GABRG3: variants seen among roughly 807,000 people sequenced by gnomAD.
GABRG3 encodes gamma-aminobutyric acid type A receptor subunit gamma3.
A neutral mutation model predicts 48.8 loss-of-function variants in GABRG3; 25 were observed. The ratio of observed to expected loss-of-function variants is 0.51; its 90% CI spans 0.37 to 0.72. GABRG3 has a LOEUF of 0.72. GABRG3 is among the 30% of genes least tolerant of loss of function. GABRG3 has a pLI of 0.00. For missense variants in GABRG3, 394 were observed against 577.9 expected, an observed-to-expected ratio of 0.68 and a Z score of 3.26; for synonymous variants, 227 against 217.6, an observed-to-expected ratio of 1.04 and a Z score of -0.38.
chr15:27,282,229 G>T (rs1296698486), intron 3 of GABRG3, among the ~76,000 whole-genome samples: 5 of 152,164 alleles, frequency 3.3e-5, no homozygotes, highest in African/African-American at 4.8e-5. Context: ...TTTGGGGTTT[G>T]CTCAGCTTCT....
intron 2 of GABRG3, among the ~76,000 whole-genome samples, chr15:26,996,599 A>T (rs1895344177): frequency 6.6e-6 from 1 of 151,426 alleles, no homozygotes; most frequent in South Asian, 2.1e-4. Flanking sequence ...TTCCTCTGGT[A>T]GTCCAATTAT....
chr15:27,025,917 A>T (rs140017403), intron 2 of GABRG3, among the ~76,000 whole-genome samples: 59 of 152,298 alleles, frequency 3.9e-4, no homozygotes, highest in African/African-American at 1.4e-3. Context: ...GGTGAAGGGA[A>T]TGTCCTCCTT....
chr15:27,340,196 C>T (rs983273762), intron 5 of GABRG3, among the ~76,000 whole-genome samples: 11 of 152,130 alleles, frequency 7.2e-5, no homozygotes, highest in South Asian at 2.1e-4. Flanking sequence ...GCTCAGAAAG[C>T]GTACAACCAT....
intron 3 of GABRG3, among the ~76,000 whole-genome samples, chr15:27,108,479 T>C (rs1897488830): frequency 6.6e-6 from 1 of 152,228 alleles, no homozygotes; most frequent in Admixed American, 6.5e-5. Flanking sequence ...TCTATTAAGA[T>C]ATACATTATG....
chr15:27,254,481 A>G (rs1415525722), intron 3 of GABRG3, among the ~76,000 whole-genome samples: 1 of 152,020 alleles, frequency 6.6e-6, no homozygotes, highest in Non-Finnish European at 1.5e-5. Flanking sequence ...GTAACAACAT[A>G]CTACAAATGG....
intron 3 of GABRG3, among the ~76,000 whole-genome samples, chr15:27,072,913 C>T (rs1347223869): frequency 1.3e-5 from 2 of 152,220 alleles, no homozygotes; most frequent in Admixed American, 1.3e-4. Flanking sequence ...ATCCCTGCCA[C>T]AGCCCACTGC....
At chr15:27,238,397 C>T (rs559276693) in intron 3 of GABRG3, among the ~76,000 whole-genome samples, 91 of 152,338 alleles carry the variant, frequency 6.0e-4, no homozygotes, top group African/African-American at 2.1e-3. Flanking sequence ...GAGGGAGCCG[C>T]GCGGGGGCGC....
chr15:27,394,562 G>A (rs558232212), intron 5 of GABRG3, among the ~76,000 whole-genome samples: 6 of 152,042 alleles, frequency 3.9e-5, no homozygotes, highest in Admixed American at 2.6e-4. Context: ...TTGTTGTATG[G>A]CTTCTGATTA....
chr15:27,396,756 A>G (rs1055773855), intron 5 of GABRG3, among the ~76,000 whole-genome samples: 1 of 152,214 alleles, frequency 6.6e-6, no homozygotes, highest in African/African-American at 2.4e-5. Flanking sequence ...TGATTAATTG[A>G]TAAACAAACT....
At chr15:27,347,108 C>T (rs1397783267) in intron 5 of GABRG3, among the ~76,000 whole-genome samples, 2 of 152,010 alleles carry the variant, frequency 1.3e-5, no homozygotes, top group Non-Finnish European at 2.9e-5. Flanking sequence ...TGGTTAATGT[C>T]TACTGTAGCT....
intron 5 of GABRG3, among the ~76,000 whole-genome samples, chr15:27,333,584 C>T (rs1220254641): frequency 6.6e-6 from 1 of 152,168 alleles, no homozygotes; most frequent in Non-Finnish European, 1.5e-5. Flanking sequence ...ATCTAAGATC[C>T]TTCACTTACT....
chr15:27,306,213 G>A (rs1192928814), intron 3 of GABRG3, among the ~76,000 whole-genome samples: 2 of 122,842 alleles, frequency 1.6e-5, no homozygotes, highest in African/African-American at 3.0e-5. Flanking sequence ...ATAAACATAT[G>A]TAATATAAAC....
At chr15:27,062,090 A>C (rs150851187) in intron 3 of GABRG3, among the ~76,000 whole-genome samples, 1 of 152,124 alleles carries the variant, frequency 6.6e-6, no homozygotes, top group South Asian at 2.1e-4. Flanking sequence ...GGCAGCTGTC[A>C]TGTTCTCTGA....
intron 3 of GABRG3, among the ~76,000 whole-genome samples, chr15:27,162,829 G>C (rs1459545633): frequency 6.6e-6 from 1 of 152,116 alleles, no homozygotes; most frequent in Non-Finnish European, 1.5e-5. Context: ...GCACACATAA[G>C]GGTAAGGCAA....
intron 3 of GABRG3, among the ~76,000 whole-genome samples, chr15:27,034,454 C>A (rs1896140551): frequency 6.6e-6 from 1 of 152,130 alleles, no homozygotes; most frequent in Admixed American, 6.5e-5. Context: ...AGATTTGTTT[C>A]ATCACTGGAA....
chr15:27,326,175 A>G (rs896404008), intron 3 of GABRG3, among the ~76,000 whole-genome samples: 1 of 152,116 alleles, frequency 6.6e-6, no homozygotes, highest in African/African-American at 2.4e-5. Context: ...TGCCTCTGTA[A>G]TTTGTACCTC....
rs897813810 is a variant in GABRG3 at position 27,313,250 on chromosome 15, G to A, written c.271-13559G>A. ...TACGTATATGTATATATGTGTGTGT[G>A]TGTGTGTGTGTGTATATATATATAT... On this transcript the variant is annotated intron_variant, in intron 3 of 9. Transcript: ENST00000615808. Among the ~76,000 whole-genome samples, 341 of 58,668 alleles carry A rather than the reference G, an allele frequency of 5.8e-3. 14 individuals are homozygous for A. The highest frequency in any genetic ancestry group is 0.025 in the East Asian group (49 of 1,982). 38.5% of individuals were successfully genotyped at this position (58,668 alleles called of 152,430 possible). A position where few individuals can be genotyped will look rare whatever the true frequency, so the allele number is the denominator to read the frequency against.
At chr15:27,353,998 C>T (rs1048494363) in intron 5 of GABRG3, among the ~76,000 whole-genome samples, 1 of 152,186 alleles carries the variant, frequency 6.6e-6, no homozygotes, top group East Asian at 1.9e-4. Flanking sequence ...TCTGTAAGGG[C>T]TCAGGAGGGA....
At chr15:27,530,815 A>C in intron 9 of GABRG3, 1 of 405,552 alleles carries the variant, frequency 2.5e-6, no homozygotes, top group Non-Finnish European at 5.1e-6. Context: ...GGGACTACAC[A>C]GAGGCATGAA....
Sources: gnomAD v4.1 joint callset for allele counts (sites outside exome capture counted in the v4.1 genomes callset) on GRCh38, gnomAD v4.1.1 for gene constraint, MANE v1.5 for transcripts, NCBI Gene and HGNC (gene_info 2026-07-23, HGNC 2026-07-21) for gene names.